RAI14: variants seen among roughly 807,000 people sequenced by gnomAD.
The protein encoded by RAI14 is retinoic acid induced 14.
In RAI14, 45 loss-of-function variants were observed where a neutral mutation model predicts 115.4. The observed-to-expected ratio is 0.39, with a 90% confidence interval of 0.31 to 0.50. RAI14 has a LOEUF of 0.50. Ranked by LOEUF, RAI14 falls within the 20% of genes least tolerant of loss-of-function variation. The pLI is 0.85. For missense variants in RAI14, 939 were observed against 1,131.2 expected (o/e 0.83, Z 2.44); for synonymous variants, 371 against 415.4 (o/e 0.89, Z 1.30).
chr5:34,684,517 C>T (rs1165120505), intron 1 of RAI14: 1 of 152,210 alleles, frequency 6.6e-6, no homozygotes, highest in Non-Finnish European at 1.5e-5. Flanking sequence ...ATGCATCTGT[C>T]ACTCCCGCTG....
At chr5:34,675,817 CT>C (rs1469664807) in intron 1 of RAI14, among the ~76,000 whole-genome samples, 1 of 152,024 alleles carries the variant, frequency 6.6e-6, no homozygotes, top group Non-Finnish European at 1.5e-5. Flanking sequence ...CTGACTTTCA[CT>C]TAACAAAATG....
At chr5:34,817,262 C>G (rs6877053) in intron 12 of RAI14, among the ~76,000 whole-genome samples, 81,478 of 138,922 alleles carry the variant, frequency 0.59, 23,953 homozygotes, top group Admixed American at 0.65. Flanking sequence ...GGGCGACAGA[C>G]ACTCCATCTC....
intron 3 of RAI14, chr5:34,757,933 G>T: frequency 6.0e-6 from 1 of 167,970 alleles, no homozygotes; most frequent in Admixed American, 5.9e-5. Flanking sequence ...ACCTTACTGT[G>T]TATTTATCTT....
chr5:34,817,055 A>C (rs1024747246), intron 12 of RAI14, among the ~76,000 whole-genome samples: 4 of 152,050 alleles, frequency 2.6e-5, no homozygotes, highest in African/African-American at 9.7e-5. Flanking sequence ...AAGCGGGTGG[A>C]TCATGAGGTC....
At chr5:34,820,072 T>C (rs1413134045) in intron 13 of RAI14, among the ~76,000 whole-genome samples, 1 of 152,204 alleles carries the variant, frequency 6.6e-6, no homozygotes, top group Non-Finnish European at 1.5e-5. Flanking sequence ...CTCACCAGAC[T>C]TCATGTCAAG....
chr5:34,752,703 A>G (rs334911), intron 2 of RAI14, among the ~76,000 whole-genome samples: 21,702 of 82,522 alleles, frequency 0.26, 3,206 homozygotes, highest in Middle Eastern at 0.41. Flanking sequence ...TCTTACATAT[A>G]TGTGTGTGTG....
chr5:34,752,354 T>C (rs568239249), intron 2 of RAI14, among the ~76,000 whole-genome samples: 1 of 152,270 alleles, frequency 6.6e-6, no homozygotes, highest in Non-Finnish European at 1.5e-5. Flanking sequence ...CAGCAAATAC[T>C]GAGCACCATG....
intron 10 of RAI14, 114 bp downstream of exon 10, chr5:34,812,322 T>C: frequency 4.1e-6 from 4 of 963,956 alleles, no homozygotes; most frequent in Non-Finnish European, 6.2e-6. Context: ...ATATTGAAAA[T>C]ACTTAGGGAC....
At chr5:34,705,604 C>G (rs924889788) in intron 2 of RAI14, among the ~76,000 whole-genome samples, 2 of 152,074 alleles carry the variant, frequency 1.3e-5, no homozygotes, top group African/African-American at 2.4e-5. Flanking sequence ...CACCAGCCCC[C>G]CTGCATTTGC....
intron 3 of RAI14, among the ~76,000 whole-genome samples, chr5:34,767,615 A>ACCCCCC (rs1749584843): frequency 2.4e-5 from 1 of 41,220 alleles, no homozygotes; most frequent in African/African-American, 9.6e-5. Flanking sequence ...CACCACCCCC[A>ACCCCCC]CCACCCCCCA....
At chr5:34,778,261 G>T (rs2150151796) in intron 3 of RAI14, among the ~76,000 whole-genome samples, 1 of 152,316 alleles carries the variant, frequency 6.6e-6, no homozygotes, top group African/African-American at 2.4e-5. Context: ...TCGGGATCTT[G>T]TAAATGCAGC....
chr5:34,782,393 G>T (rs921499199), intron 3 of RAI14, among the ~76,000 whole-genome samples: 1 of 152,144 alleles, frequency 6.6e-6, no homozygotes, highest in Non-Finnish European at 1.5e-5. Flanking sequence ...CAGATTAAAA[G>T]CACAGTCATC....
At chr5:34,763,010 C>T (rs1056559228) in intron 3 of RAI14, among the ~76,000 whole-genome samples, 2 of 150,454 alleles carry the variant, frequency 1.3e-5, no homozygotes, top group African/African-American at 2.5e-5. Context: ...GCCCACTTTT[C>T]AGAAACCTGA....
At chr5:34,674,129 T>C (rs1416052291) in intron 1 of RAI14, among the ~76,000 whole-genome samples, 1 of 152,186 alleles carries the variant, frequency 6.6e-6, no homozygotes, top group Non-Finnish European at 1.5e-5. Flanking sequence ...AAATCCTTTT[T>C]TTGAATACAC....
chr5:34,707,011 G>A (rs1198735071), intron 2 of RAI14, among the ~76,000 whole-genome samples: 3 of 152,194 alleles, frequency 2.0e-5, no homozygotes, highest in African/African-American at 7.2e-5. Context: ...AGGCAAAGAC[G>A]TCAGCTCAAC....
chr5:34,707,203 A>T (rs1354677798), intron 2 of RAI14, among the ~76,000 whole-genome samples: 20 of 152,362 alleles, frequency 1.3e-4, no homozygotes, highest in Non-Finnish European at 1.3e-4. Flanking sequence ...ACGGTGGCTC[A>T]CGCCTGTAAT....
At chr5:34,694,119 C>T (rs551560503) in intron 2 of RAI14, among the ~76,000 whole-genome samples, 7 of 152,282 alleles carry the variant, frequency 4.6e-5, no homozygotes, top group East Asian at 1.9e-4. Flanking sequence ...AATATGAAAC[C>T]GAGGGCCTGG....
intron 1 of RAI14, among the ~76,000 whole-genome samples, chr5:34,665,541 A>C (rs1341388803): frequency 6.6e-6 from 1 of 151,268 alleles, no homozygotes; most frequent in Non-Finnish European, 1.5e-5. Context: ...AACCAGAGAA[A>C]ACCATCCAGC....
At chr5:34,694,915 G>A (rs1739035307) in intron 2 of RAI14, among the ~76,000 whole-genome samples, 2 of 152,132 alleles carry the variant, frequency 1.3e-5, no homozygotes, top group Middle Eastern at 3.4e-3. Flanking sequence ...GTGTATGTGT[G>A]TGTGACAGAG....
Sources: allele counts gnomAD v4.1 joint callset (sites outside exome capture counted in the v4.1 genomes callset), GRCh38; gene constraint gnomAD v4.1.1; transcripts MANE v1.5; gene names NCBI Gene and HGNC (gene_info 2026-07-23, HGNC 2026-07-21).